GPR158: variants seen among roughly 807,000 people sequenced by gnomAD.
GPR158 encodes metabotropic glycine receptor.
GPR158 carries 30 observed loss-of-function variants against 78.2 expected under a neutral mutation model. That is an observed-to-expected ratio of 0.38 (90% CI 0.29 to 0.52). The LOEUF is 0.52. Ranked by LOEUF, GPR158 falls within the 20% of genes least tolerant of loss-of-function variation. The pLI is 0.83. For synonymous variants in GPR158, 581 were observed against 591.1 expected (o/e 0.98, Z 0.25); for missense variants, 1,463 against 1,523.5 (o/e 0.96, Z 0.66).
At chr10:25,547,966 T>A (rs144900003) in intron 5 of GPR158, among the ~76,000 whole-genome samples, 3 of 152,312 alleles carry the variant, frequency 2.0e-5, no homozygotes, top group African/African-American at 7.2e-5. Context: ...AAGTATAACT[T>A]TTTTGAAGAC....
chr10:25,496,535 A>C (rs993052810), intron 5 of GPR158, among the ~76,000 whole-genome samples: 1 of 152,234 alleles, frequency 6.6e-6, no homozygotes, highest in African/African-American at 2.4e-5. Flanking sequence ...TAAAGTTAGT[A>C]GAAATCCTTG....
At chr10:25,474,456 T>G (rs1359675844) in intron 5 of GPR158, among the ~76,000 whole-genome samples, 1 of 152,142 alleles carries the variant, frequency 6.6e-6, no homozygotes, top group Non-Finnish European at 1.5e-5. Context: ...AATTAGCATA[T>G]AGTCATCTTC....
intron 1 of GPR158, among the ~76,000 whole-genome samples, chr10:25,213,243 G>A (rs1412914917): frequency 6.6e-6 from 1 of 151,782 alleles, no homozygotes; most frequent in African/African-American, 2.4e-5. Context: ...TGCCTTAAAG[G>A]GAACATCTTA....
chr10:25,447,739 G>T (rs1835156211), intron 4 of GPR158, among the ~76,000 whole-genome samples: 1 of 152,148 alleles, frequency 6.6e-6, no homozygotes, highest in African/African-American at 2.4e-5. Context: ...AGGTAATAAA[G>T]ATCTATTGAC....
intron 5 of GPR158, among the ~76,000 whole-genome samples, chr10:25,505,898 A>G (rs1415124148): frequency 1.3e-5 from 2 of 152,122 alleles, no homozygotes; most frequent in African/African-American, 2.4e-5. Flanking sequence ...CTCCCTGTGC[A>G]TGTCCTTCTA....
At chr10:25,455,095 T>G (rs1835273232) in intron 4 of GPR158, among the ~76,000 whole-genome samples, 1 of 152,236 alleles carries the variant, frequency 6.6e-6, no homozygotes, top group African/African-American at 2.4e-5. Context: ...GGTAAATTAT[T>G]TATTATATTT....
chr10:25,572,967 G>A (rs759261452), intron 7 of GPR158, 80 bp downstream of exon 7: 7 of 856,648 alleles, frequency 8.2e-6, no homozygotes, highest in Non-Finnish European at 1.4e-5. Flanking sequence ...AGTCTTGCCA[G>A]ACTCTTTAGT....
At chr10:25,446,376 A>T (rs1835138794) in intron 4 of GPR158, among the ~76,000 whole-genome samples, 1 of 152,224 alleles carries the variant, frequency 6.6e-6, no homozygotes, top group African/African-American at 2.4e-5. Flanking sequence ...GTGCTTTCAG[A>T]CCACAGGCAT....
At chr10:25,504,242 G>A (rs1209483526) in intron 5 of GPR158, among the ~76,000 whole-genome samples, 1 of 152,120 alleles carries the variant, frequency 6.6e-6, no homozygotes, top group Non-Finnish European at 1.5e-5. Flanking sequence ...GCCTAGCATA[G>A]TGCCTGTTAT....
rs534727593 is a variant in GPR158 at position 25,438,005 on chromosome 10, T to C, written c.1335+25532T>C. Among the ~76,000 whole-genome samples, 342 of 152,244 alleles carry C rather than the reference T, an allele frequency of 2.2e-3. 4 individuals are homozygous for C. The highest frequency in any genetic ancestry group is 3.3e-3 in the Non-Finnish European group (225 of 68,012). On this transcript the variant is annotated intron_variant, in intron 4 of 10. Coordinates refer to ENST00000376351, the MANE Select transcript of GPR158 (RefSeq NM_020752.3). ...GGGAACCATGTGTAACAGACGGGAA[T>C]AGGGTCCTGAGTGCAGGTGGAGCTA...
At chr10:25,385,202 G>C (rs1215119191) in intron 2 of GPR158, among the ~76,000 whole-genome samples, 1 of 152,056 alleles carries the variant, frequency 6.6e-6, no homozygotes, top group Non-Finnish European at 1.5e-5. Context: ...CCACATATAG[G>C]TGGTATCATA....
intron 4 of GPR158, among the ~76,000 whole-genome samples, chr10:25,439,184 TCA>T (rs1030490274): frequency 1.1e-4 from 17 of 152,280 alleles, no homozygotes; most frequent in Admixed American, 2.0e-4. Flanking sequence ...TTTAATAGAC[TCA>T]CAGTTCCACA....
At chr10:25,374,345 A>G (rs1264907689) in intron 2 of GPR158, among the ~76,000 whole-genome samples, 1 of 151,672 alleles carries the variant, frequency 6.6e-6, no homozygotes, top group African/African-American at 2.4e-5. Context: ...CAATGGTAAC[A>G]TCATATGTAA....
intron 1 of GPR158, among the ~76,000 whole-genome samples, chr10:25,218,618 C>T (rs914343970): frequency 2.0e-5 from 3 of 152,100 alleles, no homozygotes; most frequent in African/African-American, 7.2e-5. Flanking sequence ...CAAATACTTT[C>T]TAAATAAGAT....
intron 5 of GPR158, among the ~76,000 whole-genome samples, chr10:25,538,802 TA>T (rs1231403837): frequency 2.0e-5 from 3 of 152,216 alleles, no homozygotes; most frequent in African/African-American, 7.2e-5. Context: ...AGGACATGAT[TA>T]TTAAGGATGG....
intron 6 of GPR158, among the ~76,000 whole-genome samples, chr10:25,571,377 G>A (rs1355673414): frequency 6.6e-6 from 1 of 152,146 alleles, no homozygotes; most frequent in Non-Finnish European, 1.5e-5. Flanking sequence ...ATTGCCAAAG[G>A]TCTATATATG....
Position 25,594,317 on chromosome 10 carries a change from T to C in GPR158, c.1918T>C (p.Ser640Pro). 1 of 1,581,840 alleles carries C rather than the reference T, an allele frequency of 6.3e-7. No homozygotes were observed. The highest frequency in any genetic ancestry group is 8.7e-7 in the Non-Finnish European group (1 of 1,151,444). Residue 640 changes from serine to proline, a missense_variant, in exon 9 of 11, where the codon TCT becomes CCT. By Grantham distance (74) the Ser-to-Pro change is moderately conservative. Transcript: ENST00000376351. Reference protein sequence around the residue: ...IRFVLASRLQSDWMLMLYFAH... With the variant: ...IRFVLASRLQPDWMLMLYFAH... ...ATTTGTTCTTGCCTCAAGACTTCAG[T>C]CTGATTGGATGTTGATGCTGTATTT...
chr10:25,592,012 A>G (rs897006295), intron 8 of GPR158, among the ~76,000 whole-genome samples: 15 of 152,024 alleles, frequency 9.9e-5, no homozygotes, highest in African/African-American at 3.6e-4. Flanking sequence ...AAATATTTAT[A>G]AAGTCCAAGA....
intron 3 of GPR158, among the ~76,000 whole-genome samples, chr10:25,397,048 G>C (rs1381835082): frequency 6.6e-6 from 1 of 152,142 alleles, no homozygotes; most frequent in African/African-American, 2.4e-5. Flanking sequence ...TCCCTCACCT[G>C]CTAAGACAGA....
Sources: gnomAD v4.1 joint callset for allele counts (sites outside exome capture counted in the v4.1 genomes callset) on GRCh38, gnomAD v4.1.1 for gene constraint, MANE v1.5 for transcripts, NCBI Gene and HGNC (gene_info 2026-07-23, HGNC 2026-07-21) for gene names.